Variants in WDR27 observed in about 807,000 individuals in gnomAD.
WDR27 encodes WD repeat-containing protein 27.
WDR27 carries 100 observed loss-of-function variants against 114.4 expected under a neutral mutation model. That is an observed-to-expected ratio of 0.87 (90% CI 0.74 to 1.03). The LOEUF is 1.03. Ranked by LOEUF, WDR27 falls within the 50% of genes least tolerant of loss-of-function variation. WDR27 has a pLI of 0.00. For missense variants in WDR27, 1,129 were observed against 1,092.9 expected (o/e 1.03, Z -0.47); for synonymous variants, 449 against 423.1 (o/e 1.06, Z -0.75).
chr6:169,583,495 ATATATATATG>A (rs1479761454), intron 23 of WDR27, among the ~76,000 whole-genome samples: 1,098 of 23,784 alleles, frequency 0.046, 19 homozygotes, highest in South Asian at 0.085. Context: ...ATACATATAT[ATATATATATG>A]TATATATACA....
intron 25 of WDR27, among the ~76,000 whole-genome samples, chr6:169,526,841 C>T (rs747542896): frequency 4.6e-5 from 7 of 151,884 alleles, no homozygotes; most frequent in Non-Finnish European, 7.4e-5. Flanking sequence ...TTAAAATGGG[C>T]AAATAATTTG....
At chr6:169,661,161 C>T (rs1825997026) in intron 9 of WDR27, among the ~76,000 whole-genome samples, 1 of 152,228 alleles carries the variant, frequency 6.6e-6, no homozygotes, top group African/African-American at 2.4e-5. Context: ...CCCCTGGGCA[C>T]CTGCTAATGT....
chr6:169,437,018 G>A, the WDR27 span, among the ~76,000 whole-genome samples: 1 of 152,078 alleles, frequency 6.6e-6, no homozygotes, highest in Non-Finnish European at 1.5e-5. Flanking sequence ...CATATACAAA[G>A]AAAATGTATA....
At chr6:169,535,667 C>A (rs1232116475) in intron 25 of WDR27, among the ~76,000 whole-genome samples, 3 of 152,132 alleles carry the variant, frequency 2.0e-5, no homozygotes, top group African/African-American at 7.2e-5. Context: ...TTAACTTAAC[C>A]ATGTGCATCT....
At chr6:169,461,061 A>G (rs1278598755) in intron 25 of WDR27, among the ~76,000 whole-genome samples, 1 of 152,224 alleles carries the variant, frequency 6.6e-6, no homozygotes, top group East Asian at 1.9e-4. Flanking sequence ...AAAAGCTATA[A>G]TACAAAGAAA....
chr6:169,448,149 C>T, the WDR27 span, among the ~76,000 whole-genome samples: 3 of 152,108 alleles, frequency 2.0e-5, no homozygotes, highest in East Asian at 5.8e-4. Context: ...GGTGATCTGC[C>T]TGCCTCAGCC....
chr6:169,491,721 T>A (rs1299275101), intron 25 of WDR27, among the ~76,000 whole-genome samples: 2 of 152,160 alleles, frequency 1.3e-5, no homozygotes, highest in Non-Finnish European at 2.9e-5. Context: ...AGGCTAATGA[T>A]GTGTGCTGGG....
chr6:169,685,550 T>C, intron 2 of WDR27, among the ~76,000 whole-genome samples: 1 of 152,110 alleles, frequency 6.6e-6, no homozygotes, highest in East Asian at 1.9e-4. Flanking sequence ...AAGAATTCAA[T>C]GAATAAAATT....
At chr6:169,595,063 G>T (rs1391985295) in intron 23 of WDR27, among the ~76,000 whole-genome samples, 1 of 152,198 alleles carries the variant, frequency 6.6e-6, no homozygotes, top group Non-Finnish European at 1.5e-5. Flanking sequence ...CTATGTGGAA[G>T]GCTGGGGCAA....
chr6:169,611,082 T>C (rs1237354334), intron 22 of WDR27, among the ~76,000 whole-genome samples: 1 of 151,978 alleles, frequency 6.6e-6, no homozygotes, highest in Admixed American at 6.6e-5. Context: ...TTAAAAAGGG[T>C]GCACCTGTAT....
chr6:169,455,728 G>C (rs994936982), downstream of WDR27, among the ~76,000 whole-genome samples: 5 of 152,190 alleles, frequency 3.3e-5, no homozygotes, highest in African/African-American at 9.7e-5. Context: ...CTGCTTTCCT[G>C]GCTGCTGTCT....
chr6:169,480,488 G>A (rs972064479), intron 25 of WDR27, among the ~76,000 whole-genome samples: 18 of 152,258 alleles, frequency 1.2e-4, no homozygotes, highest in Admixed American at 5.9e-4. Flanking sequence ...TCCACTAGGC[G>A]AAGCCAGCTG....
At chr6:169,429,430 CTT>C in the WDR27 span, among the ~76,000 whole-genome samples, 21 of 142,242 alleles carry the variant, frequency 1.5e-4, no homozygotes, top group Admixed American at 2.8e-4. Flanking sequence ...AGACTGAGTC[CTT>C]TTTTTTTTTT....
Position 169,662,306 on chromosome 6 carries a change from T to G in WDR27, c.1023A>C (p.Gly341=). Residue 341 remains glycine, a splice_region_variant and synonymous_variant, in exon 9 of 26, where the codon GGA becomes GGC. Transcript: ENST00000448612. ...TAGGCAAAGTTTTTGATACTTACCATCCACATGCAGAATTTGGGATGAGTG... is the reference window on the plus strand; with the variant it reads ...TAGGCAAAGTTTTTGATACTTACCAGCCACATGCAGAATTTGGGATGAGTG... ...DLSLIPNSAC[G]CLSSENTRCV... 6.2e-7 allele frequency: 1 copy of G among 1,613,432 alleles called. No homozygotes were observed. Among genetic ancestry groups the G allele is most frequent in the Non-Finnish European group, 8.5e-7 (1 of 1,179,382 alleles).
intron 25 of WDR27, among the ~76,000 whole-genome samples, chr6:169,539,256 C>T (rs891134467): frequency 6.6e-6 from 1 of 152,186 alleles, no homozygotes; most frequent in Non-Finnish European, 1.5e-5. Flanking sequence ...CCTCCACATC[C>T]TTCATTGAGG....
At chr6:169,700,176 G>A (rs1193588472) in intron 1 of WDR27, among the ~76,000 whole-genome samples, 1 of 152,184 alleles carries the variant, frequency 6.6e-6, no homozygotes, top group Non-Finnish European at 1.5e-5. Flanking sequence ...GCATTTTAGT[G>A]GGGAGAGCAA....
the WDR27 span, among the ~76,000 whole-genome samples, chr6:169,432,155 G>A: frequency 6.6e-6 from 1 of 152,178 alleles, no homozygotes. Flanking sequence ...AAAAGCAAAA[G>A]AGAAAATTGC....
At chr6:169,595,168 A>C (rs963088861) in intron 23 of WDR27, among the ~76,000 whole-genome samples, 3 of 152,398 alleles carry the variant, frequency 2.0e-5, no homozygotes, top group African/African-American at 7.2e-5. Context: ...CTCAAAAATA[A>C]ACAAAAACAA....
chr6:169,467,069 T>A (rs1785687199), intron 25 of WDR27, among the ~76,000 whole-genome samples: 1 of 152,126 alleles, frequency 6.6e-6, no homozygotes, highest in South Asian at 2.1e-4. Context: ...GGCAGCCAAA[T>A]CTTAAAGCTC....
Sources: allele counts gnomAD v4.1 joint callset (sites outside exome capture counted in the v4.1 genomes callset), GRCh38; gene constraint gnomAD v4.1.1; transcripts MANE v1.5; gene names NCBI Gene and HGNC (gene_info 2026-07-23, HGNC 2026-07-21).